DOCK8: variants seen among roughly 807,000 people sequenced by gnomAD.
DOCK8 encodes the protein dedicator of cytokinesis protein 8.
A neutral mutation model predicts 245.6 loss-of-function variants in DOCK8; 141 were observed. That is an observed-to-expected ratio of 0.57 (90% CI 0.50 to 0.66). The LOEUF (loss-of-function observed/expected upper bound fraction) is 0.66, where lower values mean the gene tolerates loss of function less well. Ranked by LOEUF, DOCK8 falls within the 30% of genes least tolerant of loss-of-function variation. The pLI, the probability that DOCK8 is intolerant of heterozygous loss-of-function variation, is 0.00. For synonymous variants in DOCK8, 1,168 were observed against 970.2 expected, an observed-to-expected ratio of 1.20 and a Z score of -3.79; for missense variants, 2,965 against 2,603.4, an observed-to-expected ratio of 1.14 and a Z score of -3.02.
chr9:297,519 T>TC (rs548142783), intron 4 of DOCK8, among the ~76,000 whole-genome samples: 515 of 152,282 alleles, frequency 3.4e-3, no homozygotes, highest in Middle Eastern at 0.02. Context: ...TTGGCCTACT[T>TC]CCCCATTTTT....
intron 10 of DOCK8, among the ~76,000 whole-genome samples, chr9:332,692 TTATC>T (rs1296085916): frequency 6.8e-6 from 1 of 146,610 alleles, no homozygotes; most frequent in Non-Finnish European, 1.5e-5. Context: ...GTGTCTTACT[TTATC>T]TCCCAGGCTG....
chr9:215,300 C>T (rs757827315), intron 1 of DOCK8: 13 of 1,606,650 alleles, frequency 8.1e-6, no homozygotes, highest in Non-Finnish European at 1.1e-5. Flanking sequence ...CGAACAACCT[C>T]GCCCGCTCCG....
At chr9:455,250 T>C (rs2057598153) in intron 46 of DOCK8, among the ~76,000 whole-genome samples, 1 of 152,170 alleles carries the variant, frequency 6.6e-6, no homozygotes, top group Non-Finnish European at 1.5e-5. Flanking sequence ...TCCCAGCACT[T>C]TGGGAGGCTG....
chr9:443,280 C>A, intron 42 of DOCK8, 147 bp from the exon 43 acceptor site: 1 of 761,932 alleles, frequency 1.3e-6, no homozygotes, highest in Non-Finnish European at 2.2e-6. Context: ...AAATGCTGAA[C>A]TTTGCTCATT....
intron 14 of DOCK8, among the ~76,000 whole-genome samples, chr9:348,888 T>C (rs1161191677): frequency 1.3e-5 from 2 of 152,198 alleles, no homozygotes; most frequent in East Asian, 3.8e-4. Context: ...GCTTTACAGA[T>C]GCCCCCAAAG....
chr9:248,290 C>G (rs766508802), intron 1 of DOCK8, among the ~76,000 whole-genome samples: 5 of 152,212 alleles, frequency 3.3e-5, no homozygotes, highest in Admixed American at 3.3e-4. Flanking sequence ...ATTAACATCA[C>G]CTTTAAGCCG....
At chr9:220,835 C>G (rs758189541) in intron 1 of DOCK8, 9 of 338,782 alleles carry the variant, frequency 2.7e-5, no homozygotes, top group Non-Finnish European at 4.6e-5. Context: ...ATTCTCCTGC[C>G]TCAGCCTCCT....
At chr9:420,095 C>T in intron 30 of DOCK8, 1 of 447,668 alleles carries the variant, frequency 2.2e-6, no homozygotes, top group Non-Finnish European at 4.2e-6. Context: ...ATGATCAAGG[C>T]CCAGGGGTGA....
chr9:215,015 G>A lies in DOCK8; in HGVS notation c.39G>A (p.Ala13=), dbSNP rs773286453. The A allele has an allele frequency of 1.9e-6, 3 of 1,591,170 alleles. No homozygotes were observed. Among genetic ancestry groups the A allele is most frequent in the Non-Finnish European group, 2.6e-6 (3 of 1,174,302 alleles). The change falls in exon 1 of 48, where the codon GCG becomes GCA. Residue 13 remains alanine (A), a synonymous_variant. Transcript: ENST00000432829. Reference sequence around the variant, plus strand: ...CGAGCGCAGAGCGCCGCGCGTTCGCGCTCAAGATCAACAGGTAAGACGCCC... The same window carrying A: ...CGAGCGCAGAGCGCCGCGCGTTCGCACTCAAGATCAACAGGTAAGACGCCC... ...TLPSAERRAF[A]LKINRYSSAE...
At chr9:276,259 T>C (rs1031944400) in intron 2 of DOCK8, among the ~76,000 whole-genome samples, 3 of 152,230 alleles carry the variant, frequency 2.0e-5, no homozygotes, top group Non-Finnish European at 4.4e-5. Flanking sequence ...GTAACACTTA[T>C]TTTGCCCTGT....
chr9:360,322 T>A (rs7469218), intron 14 of DOCK8, among the ~76,000 whole-genome samples: 14,288 of 139,192 alleles, frequency 0.1, 1,239 homozygotes, highest in African/African-American at 0.24. Context: ...TCTCAAAATT[T>A]AAAAAAAAAA....
chr9:236,398 C>A (rs1461744044), intron 1 of DOCK8, among the ~76,000 whole-genome samples: 1 of 152,180 alleles, frequency 6.6e-6, no homozygotes, highest in Non-Finnish European at 1.5e-5. Flanking sequence ...ATGTAGTTTT[C>A]ATTAGCCCAG....
rs76376131 is a variant in DOCK8 at position 450,771 on chromosome 9, T to C, written c.5961+844T>C. Among the ~76,000 whole-genome samples, 705 of 150,938 alleles carry C rather than the reference T, an allele frequency of 4.7e-3. 37 individuals are homozygous for C. The East Asian group carries it at 0.11, about 23-fold the overall frequency. ...TTTGCCTTTGTAAGTGCCAATCCTT[T>C]GATAAAATGGAAGACTTTCCAAGCC... On this transcript the variant is annotated intron_variant, in intron 45 of 47. Transcript: ENST00000432829.
At chr9:423,466 C>T (rs772601491) in intron 33 of DOCK8, among the ~76,000 whole-genome samples, 1 of 152,116 alleles carries the variant, frequency 6.6e-6, no homozygotes, top group Non-Finnish European at 1.5e-5. Flanking sequence ...ATGAAGCACC[C>T]ATCAAAGGGG....
intron 10 of DOCK8, among the ~76,000 whole-genome samples, chr9:333,316 C>T (rs116409995): frequency 6.6e-6 from 1 of 152,186 alleles, no homozygotes; most frequent in Non-Finnish European, 1.5e-5. Flanking sequence ...TAAAACATGG[C>T]CTTGGCCGGG....
At position 271,758 on chromosome 9, in the gene DOCK8, G is replaced by A. The variant is rs114889958; in HGVS notation, c.156+29G>A. The A allele has an allele frequency of 5.6e-4, 836 of 1,504,270 alleles. 4 individuals are homozygous for A. The African/African-American group carries it at 9.9e-3, about 18-fold the overall frequency. The allele number at this position is 1,504,270 out of a possible 1,614,324, so 93.2% of individuals were successfully genotyped here. ...AGTATGAGTTCCAGGTTTACTTAGC[G>A]ATTGGTCAAGTGCAAAAGTGCCCAG... On this transcript the variant is annotated intron_variant, in intron 2 of 47. Transcript: ENST00000432829.
intron 1 of DOCK8, among the ~76,000 whole-genome samples, chr9:232,990 G>A (rs1342202305): frequency 1.3e-5 from 2 of 152,106 alleles, no homozygotes; most frequent in African/African-American, 2.4e-5. Flanking sequence ...TGTGATGTTA[G>A]GGTGTCAATT....
At position 255,667 on chromosome 9, in the gene DOCK8, CCAAAAAA is replaced by C. The variant is rs1554647112; in HGVS notation, c.54-15959_54-15953del. On this transcript the variant is annotated intron_variant, in intron 1 of 47. Coordinates refer to ENST00000432829, the MANE Select transcript of DOCK8 (RefSeq NM_203447.4). Reference sequence around the variant, plus strand: ...TGGGGGATAGAGCAAGACTCCATCTCCAAAAAAAAAAAAAAAAAAAAAAAAACAGCTC... The same window carrying C: ...TGGGGGATAGAGCAAGACTCCATCTCAAAAAAAAAAAAAAAAAAACAGCTC... 1.6e-3 allele frequency among the ~76,000 whole-genome samples: 65 copies of C among 41,302 alleles called. 1 individual carries two copies. The highest frequency in any genetic ancestry group is 4.8e-3 in the African/African-American group (63 of 13,070). The allele number at this position is 41,302 out of a possible 152,430, so 27.1% of individuals were successfully genotyped here.
intron 14 of DOCK8, among the ~76,000 whole-genome samples, chr9:349,919 T>C (rs887071744): frequency 1.3e-5 from 2 of 152,198 alleles, no homozygotes; most frequent in African/African-American, 4.8e-5. Flanking sequence ...ATTCTTAATT[T>C]ATACTTCATG....
Sources: gnomAD v4.1 joint callset for allele counts (sites outside exome capture counted in the v4.1 genomes callset) on GRCh38, gnomAD v4.1.1 for gene constraint, MANE v1.5 for transcripts, NCBI Gene and HGNC (gene_info 2026-07-23, HGNC 2026-07-21) for gene names.